Variants in MYO7A observed in about 807,000 individuals in gnomAD.
MYO7A encodes the protein myosin VIIA.
In MYO7A, 210 loss-of-function variants were observed where a neutral mutation model predicts 263.8. The ratio of observed to expected loss-of-function variants is 0.80; its 90% CI spans 0.71 to 0.89. The LOEUF (loss-of-function observed/expected upper bound fraction) is 0.89, where lower values mean the gene tolerates loss of function less well. Ranked by LOEUF, MYO7A falls within the 40% of genes least tolerant of loss-of-function variation. MYO7A has a pLI of 0.00. For missense variants in MYO7A, 2,820 were observed against 2,968.3 expected (o/e 0.95, Z 1.16); for synonymous variants, 1,239 against 1,197.3 (o/e 1.03, Z -0.72).
Position 77,147,850 on chromosome 11 carries a change from C to T in MYO7A, c.185C>T (p.Thr62Met), listed in dbSNP as rs782412089. ...NATHIKPMHPTSVHGVEDMIR... is the reference protein window; with the variant it reads ...NATHIKPMHPMSVHGVEDMIR... ...ACGCACATCAAGCCTATGCACCCCA[C>T]GTCGGTCCACGGCGTGGAGGACATG... The change falls in exon 4 of 49, where the codon ACG becomes ATG. Residue 62 changes from threonine (T) to methionine (M), a missense_variant. By Grantham distance (81) the Thr-to-Met change is moderately conservative. Transcript: ENST00000409709. The T allele has an allele frequency of 3.7e-6, 6 of 1,609,238 alleles. No homozygotes were observed. Among genetic ancestry groups the T allele is most frequent in the Non-Finnish European group, 5.1e-6 (6 of 1,178,478 alleles).
intron 2 of MYO7A, among the ~76,000 whole-genome samples, chr11:77,137,984 A>G (rs1950973239): frequency 6.6e-6 from 1 of 152,182 alleles, no homozygotes; most frequent in Non-Finnish European, 1.5e-5. Context: ...TTCCATGGAA[A>G]ACATAGAAAA....
chr11:77,189,943 C>G lies in MYO7A; in HGVS notation c.3631-77C>G, dbSNP rs775641845. On this transcript the variant is annotated intron_variant, in intron 28 of 48. Coordinates refer to ENST00000409709, the MANE Select transcript of MYO7A (RefSeq NM_000260.4). ...GCCTGGAGGAGCGGCCTCCAAGTGCCGGGAGGGCCTGGCGGCTGCCCTCAA... is the reference window on the plus strand; with the variant it reads ...GCCTGGAGGAGCGGCCTCCAAGTGCGGGGAGGGCCTGGCGGCTGCCCTCAA... 2.8e-6 allele frequency: 4 copies of G among 1,447,048 alleles called. No individual in the cohort carries two copies. In the East Asian group the frequency reaches 1.0e-4, roughly 37 times the overall value. 89.6% of individuals were successfully genotyped at this position (1,447,048 alleles called of 1,614,324 possible). A position where few individuals can be genotyped will look rare whatever the true frequency, so the allele number is the denominator to read the frequency against.
At chr11:77,131,417 T>C (rs1251469655) in intron 2 of MYO7A, among the ~76,000 whole-genome samples, 3 of 152,136 alleles carry the variant, frequency 2.0e-5, no homozygotes, top group South Asian at 2.1e-4. Flanking sequence ...TGCGTGCGCG[T>C]GTGTGTGTCT....
rs762667 is a variant in MYO7A at position 77,157,326 on chromosome 11, T to A, written c.783T>A (p.Gly261=). The change falls in exon 8 of 49, where the codon GGT becomes GGA. Residue 261 remains glycine (G), a synonymous_variant. Coordinates refer to ENST00000409709, the MANE Select transcript of MYO7A (RefSeq NM_000260.4). Reference sequence around the variant, plus strand: ...ACGTGTTCTACTGCATGCTGGAGGGTATGAGTGAGGATCAGAAGAAGAAGC... The same window carrying A: ...ACGTGTTCTACTGCATGCTGGAGGGAATGAGTGAGGATCAGAAGAAGAAGC... ...NYHVFYCMLE[G]MSEDQKKKLG... The A allele has an allele frequency of 4.8e-5, 77 of 1,611,070 alleles. No homozygotes were observed. The highest frequency in any genetic ancestry group is 6.1e-5 in the Non-Finnish European group (72 of 1,178,640).
At chr11:77,182,837 G>T (rs1022458416) in intron 25 of MYO7A, among the ~76,000 whole-genome samples, 4 of 152,252 alleles carry the variant, frequency 2.6e-5, no homozygotes, top group Non-Finnish European at 5.9e-5. Flanking sequence ...CAGGGGCTTT[G>T]CAGTTGGAGC....
At chr11:77,207,206 T>TA in intron 41 of MYO7A, 83 bp from the exon 42 acceptor site, 1 of 921,606 alleles carries the variant, frequency 1.1e-6, no homozygotes, top group South Asian at 1.5e-5. Flanking sequence ...GGGCTCAGTA[T>TA]AGGAGGCATA....
At chr11:77,183,038 A>G in intron 25 of MYO7A, 30 bp from the exon 26 acceptor site, 1 of 1,542,526 alleles carries the variant, frequency 6.5e-7, no homozygotes, top group Non-Finnish European at 8.8e-7. Context: ...CTGCTCAGCC[A>G]CTTGACCCTG....
At chr11:77,165,651 G>A (rs1327355806) in intron 14 of MYO7A, among the ~76,000 whole-genome samples, 1 of 152,144 alleles carries the variant, frequency 6.6e-6, no homozygotes, top group Non-Finnish European at 1.5e-5. Context: ...ACCACAAGGT[G>A]GTTTTAATGA....
chr11:77,164,536 C>T (rs529261961), intron 14 of MYO7A, among the ~76,000 whole-genome samples: 33 of 152,164 alleles, frequency 2.2e-4, no homozygotes, highest in Non-Finnish European at 2.9e-4. Context: ...GTGGTAGAAT[C>T]TGATGGCGGC....
intron 19 of MYO7A, among the ~76,000 whole-genome samples, chr11:77,178,739 C>G (rs1954896009): frequency 6.6e-6 from 1 of 152,210 alleles, no homozygotes; most frequent in African/African-American, 2.4e-5. Context: ...TTAGACTGTT[C>G]AAAGCTTTTG....
At chr11:77,212,865 C>A (rs1957967521) in intron 46 of MYO7A, 87 bp from the exon 47 acceptor site, 2 of 1,117,628 alleles carry the variant, frequency 1.8e-6, no homozygotes, top group Non-Finnish European at 2.7e-6. Flanking sequence ...CTGACTTTAT[C>A]CCAGCTGGGG....
At chr11:77,156,153 T>G in intron 5 of MYO7A, 62 bp downstream of exon 5, 1 of 1,561,910 alleles carries the variant, frequency 6.4e-7, no homozygotes. Context: ...AACTGTGCGC[T>G]CCTGCTGATA....
chr11:77,153,018 G>C (rs1446232500), intron 4 of MYO7A, among the ~76,000 whole-genome samples: 9 of 152,312 alleles, frequency 5.9e-5, no homozygotes, highest in Admixed American at 5.9e-4. Context: ...CTTGTGGACA[G>C]GGAGAGGATT....
At chr11:77,179,195 G>T (rs1407518114) in intron 20 of MYO7A, 66 bp downstream of exon 20, 13 of 1,451,378 alleles carry the variant, frequency 9.0e-6, no homozygotes, top group Non-Finnish European at 1.1e-5. Flanking sequence ...TGCCATGGCA[G>T]TGGGACTGGC....
intron 42 of MYO7A, among the ~76,000 whole-genome samples, chr11:77,208,016 T>A (rs889083763): frequency 4.7e-4 from 71 of 152,306 alleles, no homozygotes; most frequent in African/African-American, 1.7e-3. Context: ...TGCCTCTGTG[T>A]CTGTTTCCTC....
intron 26 of MYO7A, among the ~76,000 whole-genome samples, 153 bp downstream of exon 26, chr11:77,183,310 A>G (rs115215729): frequency 3.3e-5 from 5 of 151,850 alleles, no homozygotes; most frequent in African/African-American, 1.2e-4. Context: ...ACAGGACAAC[A>G]TGAGTGGGTT....
At chr11:77,210,210 C>T (rs1591502236) in intron 44 of MYO7A, among the ~76,000 whole-genome samples, 1 of 152,160 alleles carries the variant, frequency 6.6e-6, no homozygotes, top group Non-Finnish European at 1.5e-5. Context: ...CTACAAGTTC[C>T]ATGGAAGTAG....
chr11:77,159,079 G>T (rs1952747092), intron 9 of MYO7A, among the ~76,000 whole-genome samples: 1 of 152,210 alleles, frequency 6.6e-6, no homozygotes. Flanking sequence ...TTGTGCAAAG[G>T]TCCTGAGAAC....
chr11:77,193,318 A>G (rs1565445042), intron 31 of MYO7A, among the ~76,000 whole-genome samples: 1 of 125,986 alleles, frequency 7.9e-6, no homozygotes, highest in Non-Finnish European at 1.6e-5. Context: ...TGTTGTGGGT[A>G]GTGATGATAG....
Sources: allele counts gnomAD v4.1 joint callset (sites outside exome capture counted in the v4.1 genomes callset), GRCh38; gene constraint gnomAD v4.1.1; transcripts MANE v1.5; gene names NCBI Gene and HGNC (gene_info 2026-07-23, HGNC 2026-07-21).